Variants in SMARCA2 observed in about 807,000 individuals in gnomAD.
SMARCA2 encodes SWI/SNF related BAF chromatin remodeling complex subunit ATPase 2, also known as SWI/SNF-related matrix-associated actin-dependent regulator of chromatin subfamily A member 2.
Under a neutral mutation model 199.8 loss-of-function variants are expected in SMARCA2, and 61 were observed. The ratio of observed to expected loss-of-function variants is 0.31; its 90% CI spans 0.25 to 0.38. SMARCA2 has a LOEUF of 0.38. Ranked by LOEUF, SMARCA2 falls within the 10% of genes least tolerant of loss-of-function variation. The probability of loss-of-function intolerance (pLI) is 1.00; values close to 1 mark genes in which losing one functional copy is unlikely to be tolerated. For missense variants in SMARCA2, 1,344 were observed against 2,012.2 expected, an observed-to-expected ratio of 0.67 and a Z score of 6.35; for synonymous variants, 935 against 732.0, an observed-to-expected ratio of 1.28 and a Z score of -4.48.
At position 2,177,569 on chromosome 9, in the gene SMARCA2, T is replaced by G. The variant is rs77194129; in HGVS notation, c.4254-4002T>G. Among the ~76,000 whole-genome samples, 7 of 152,280 alleles carry G rather than the reference T, an allele frequency of 4.6e-5. No individual in the cohort carries two copies. The East Asian group carries it at 9.7e-4, about 21-fold the overall frequency. On this transcript the variant is annotated intron_variant, in intron 29 of 33. Transcript: ENST00000349721. ...CTAGAAGTAGATTTCTTTTTTTTTT[T>G]GAAACTGAGTTTCGCTCTCGTTGCC...
intron 27 of SMARCA2, among the ~76,000 whole-genome samples, chr9:2,144,019 C>T (rs954504353): frequency 1.4e-4 from 22 of 151,908 alleles, no homozygotes; most frequent in African/African-American, 5.3e-4. Flanking sequence ...TACCCAATAA[C>T]CTAGTGCAAT....
intron 29 of SMARCA2, among the ~76,000 whole-genome samples, chr9:2,171,035 C>A (rs780247350): frequency 6.6e-6 from 1 of 152,130 alleles, no homozygotes; most frequent in Non-Finnish European, 1.5e-5. Context: ...TGTGTGTAGT[C>A]CCAAGCATCT....
chr9:2,089,634 A>C (rs930585941), intron 19 of SMARCA2, among the ~76,000 whole-genome samples: 3 of 152,194 alleles, frequency 2.0e-5, no homozygotes, highest in Non-Finnish European at 2.9e-5. Context: ...TCTCAGTGAA[A>C]GTCTACGTAT....
chr9:2,164,142 G>T (rs575142262), intron 28 of SMARCA2, among the ~76,000 whole-genome samples: 14 of 152,204 alleles, frequency 9.2e-5, no homozygotes, highest in East Asian at 5.8e-4. Flanking sequence ...GCCATTTACC[G>T]TCATGCTTTT....
At chr9:2,078,421 A>G (rs1248697631) in intron 14 of SMARCA2, among the ~76,000 whole-genome samples, 2 of 152,056 alleles carry the variant, frequency 1.3e-5, no homozygotes, top group African/African-American at 4.8e-5. Context: ...GCAGTGAGCC[A>G]AGATCTTAGC....
intron 24 of SMARCA2, among the ~76,000 whole-genome samples, chr9:2,114,443 T>C (rs1823133300): frequency 6.6e-6 from 1 of 152,224 alleles, no homozygotes; most frequent in Admixed American, 6.5e-5. Context: ...GAGACTTGTC[T>C]GGTCAAGAAG....
intron 14 of SMARCA2, among the ~76,000 whole-genome samples, chr9:2,079,528 G>A (rs1163394350): frequency 1.3e-5 from 2 of 152,188 alleles, no homozygotes; most frequent in Non-Finnish European, 2.9e-5. Flanking sequence ...CAGTGCAGAC[G>A]TCAACACAGT....
chr9:2,175,135 C>T (rs189575757), intron 29 of SMARCA2, among the ~76,000 whole-genome samples: 1 of 152,146 alleles, frequency 6.6e-6, no homozygotes, highest in East Asian at 1.9e-4. Context: ...CGGTGTCTGT[C>T]TGTCATCACA....
chr9:2,102,673 A>T (rs951577035), intron 22 of SMARCA2, among the ~76,000 whole-genome samples: 1 of 152,298 alleles, frequency 6.6e-6, no homozygotes, highest in East Asian at 1.9e-4. Flanking sequence ...CGTCTTCTGC[A>T]TCTCATACTC....
intron 27 of SMARCA2, chr9:2,158,720 T>C: frequency 2.4e-6 from 1 of 419,180 alleles, no homozygotes; most frequent in Non-Finnish European, 4.2e-6. Flanking sequence ...GTTTAGTAAA[T>C]AATTTTTTAA....
At chr9:2,140,067 C>T (rs947604565) in intron 27 of SMARCA2, among the ~76,000 whole-genome samples, 10 of 152,264 alleles carry the variant, frequency 6.6e-5, no homozygotes, top group Non-Finnish European at 1.2e-4. Context: ...TTTGCAAAGG[C>T]GGTTTTGCTA....
intron 13 of SMARCA2, 116 bp from the exon 14 acceptor site, chr9:2,077,513 T>G: frequency 1.0e-6 from 1 of 987,442 alleles, no homozygotes. Flanking sequence ...TCGTGGTTGA[T>G]AAATAAAACA....
intron 28 of SMARCA2, chr9:2,162,745 GA>G (rs1240594704): frequency 1.3e-5 from 2 of 152,090 alleles, no homozygotes; most frequent in African/African-American, 2.4e-5. Context: ...ATTACCAATT[GA>G]AAAAAATTTT....
At chr9:2,032,758 A>G (rs957098100) in intron 2 of SMARCA2, 194 bp from the exon 3 acceptor site, 1 of 447,302 alleles carries the variant, frequency 2.2e-6, no homozygotes, top group Non-Finnish European at 3.9e-6. Context: ...ACAACCCTCC[A>G]CTGTTTAAAG....
chr9:2,177,408 A>T (rs1323525715), intron 29 of SMARCA2, among the ~76,000 whole-genome samples: 5 of 152,200 alleles, frequency 3.3e-5, no homozygotes, highest in Admixed American at 3.3e-4. Flanking sequence ...TTTCTTTCTC[A>T]GCACTATCTA....
At position 2,073,283 on chromosome 9, in the gene SMARCA2, G is replaced by T. The variant is rs369716405; in HGVS notation, c.1818G>T (p.Leu606=). 13 of 1,614,068 alleles carry T rather than the reference G, an allele frequency of 8.1e-6. No homozygotes were observed. In the African/African-American group the frequency reaches 1.6e-4, roughly 20 times the overall value. ...CTCACACAGAAACCGGCAAGGTTCTGTTCGGACCAGAAGCACCCAAAGCAA... is the reference window on the plus strand; with the variant it reads ...CTCACACAGAAACCGGCAAGGTTCTTTTCGGACCAGAAGCACCCAAAGCAA... ...KVTHTETGKV[L]FGPEAPKASQ... is the part of the protein sequence containing the mutation. The change falls in exon 11 of 34, where the codon CTG becomes CTT. Residue 606 remains leucine (L), a synonymous_variant. Coordinates refer to ENST00000349721, the MANE Select transcript of SMARCA2 (RefSeq NM_003070.5).
chr9:2,152,963 A>G (rs1186806931), intron 27 of SMARCA2, among the ~76,000 whole-genome samples: 1 of 152,210 alleles, frequency 6.6e-6, no homozygotes, highest in Non-Finnish European at 1.5e-5. Context: ...CAGCTAGGGA[A>G]ATTGGTGAAG....
intron 1 of SMARCA2, chr9:2,015,950 C>G (rs1454884107): frequency 6.6e-6 from 1 of 152,320 alleles, no homozygotes; most frequent in Non-Finnish European, 1.5e-5. Flanking sequence ...GCAACCCTCC[C>G]CGGAAGAGTT....
chr9:2,098,878 T>G (rs1586703113), intron 21 of SMARCA2, among the ~76,000 whole-genome samples: 1 of 146,010 alleles, frequency 6.8e-6, no homozygotes, highest in Non-Finnish European at 1.5e-5. Flanking sequence ...ACCCGGGAGG[T>G]GGAGGTTGCA....
Sources: allele counts gnomAD v4.1 joint callset (sites outside exome capture counted in the v4.1 genomes callset), GRCh38; gene constraint gnomAD v4.1.1; transcripts MANE v1.5; gene names NCBI Gene and HGNC (gene_info 2026-07-23, HGNC 2026-07-21).